The following UBR3 variants were observed in gnomAD, a reference collection of about 807,000 sequenced individuals.
UBR3 encodes the protein ubiquitin protein ligase E3 component n-recognin 3.
UBR3 carries 85 observed loss-of-function variants against 243.2 expected under a neutral mutation model. The observed-to-expected ratio is 0.35, with a 90% CI of 0.29 to 0.42. The LOEUF (loss-of-function observed/expected upper bound fraction) is 0.42, where lower values mean the gene tolerates loss of function less well. Ranked by LOEUF, UBR3 falls within the 10% of genes least tolerant of loss-of-function variation. UBR3 has a pLI of 1.00. For synonymous variants in UBR3, 748 were observed against 799.8 expected, an observed-to-expected ratio of 0.94 and a Z score of 1.09; for missense variants, 1,686 against 2,300.8, an observed-to-expected ratio of 0.73 and a Z score of 5.47.
At position 169,828,119 on chromosome 2, in the gene UBR3, G is replaced by A. The variant is rs2081804074; in HGVS notation, c.545+67G>A. On this transcript the variant is annotated intron_variant, in intron 1 of 38. Coordinates refer to ENST00000272793, the MANE Select transcript of UBR3 (RefSeq NM_172070.4). ...GGGACGTCGCGGGAGGGCCTGGAGC[G>A]GAGCACTGGGAGCCCACTCTGAGCT... The A allele has an allele frequency of 3.8e-6, 5 of 1,329,238 alleles. No individual in the cohort carries two copies. The South Asian group carries it at 9.2e-5, about 24-fold the overall frequency. 82.3% of individuals were successfully genotyped at this position (1,329,238 alleles called of 1,614,324 possible).
intron 24 of UBR3, among the ~76,000 whole-genome samples, chr2:169,962,692 C>T (rs1164814152): frequency 6.6e-6 from 1 of 152,030 alleles, no homozygotes; most frequent in African/African-American, 2.4e-5. Context: ...GTATCTTGTT[C>T]TTACTATGTG....
At chr2:169,924,428 T>C (rs2085825855) in intron 13 of UBR3, among the ~76,000 whole-genome samples, 1 of 152,214 alleles carries the variant, frequency 6.6e-6, no homozygotes, top group Non-Finnish European at 1.5e-5. Context: ...TATATAGCAC[T>C]GTTTTGGGAG....
At chr2:169,839,825 C>T (rs914094536) in intron 1 of UBR3, among the ~76,000 whole-genome samples, 1 of 152,194 alleles carries the variant, frequency 6.6e-6, no homozygotes, top group Non-Finnish European at 1.5e-5. Context: ...GAATAATTGT[C>T]TTGCTTTCTG....
chr2:170,075,192 AC>A (rs528995157), intron 36 of UBR3, among the ~76,000 whole-genome samples: 3 of 151,954 alleles, frequency 2.0e-5, no homozygotes, highest in South Asian at 4.2e-4. Flanking sequence ...CTCATTTTAT[AC>A]CCTTTTTTTA....
intron 1 of UBR3, among the ~76,000 whole-genome samples, chr2:169,829,142 C>CT (rs754710339): frequency 6.6e-6 from 1 of 152,278 alleles, no homozygotes; most frequent in Non-Finnish European, 1.5e-5. Context: ...AAATGGTCAC[C>CT]TTTTTCTTCG....
At chr2:169,883,223 C>G (rs1030275096) in intron 5 of UBR3, among the ~76,000 whole-genome samples, 1 of 152,210 alleles carries the variant, frequency 6.6e-6, no homozygotes, top group Non-Finnish European at 1.5e-5. Flanking sequence ...AGACGGAGAT[C>G]TAAGATGGCT....
intron 24 of UBR3, among the ~76,000 whole-genome samples, chr2:169,961,944 G>A (rs2087594771): frequency 6.8e-6 from 1 of 147,828 alleles, no homozygotes. Flanking sequence ...CTGTCTCCTG[G>A]TCCTGATGCC....
rs576712598 is a variant in UBR3, at chr2:169,968,100, C to G, written c.3634+9574C>G. 4.3e-4 allele frequency among the ~76,000 whole-genome samples: 66 copies of G among 152,118 alleles called. 1 individual carries two copies. The Middle Eastern group carries it at 0.017, about 39-fold the overall frequency. ...TACAAAAATTTATACATAATAACTA[C>G]ATATTTATGAGGCACATGTGATATT... On this transcript the variant is annotated intron_variant, in intron 24 of 38. Coordinates refer to ENST00000272793, the MANE Select transcript of UBR3 (RefSeq NM_172070.4).
intron 10 of UBR3, among the ~76,000 whole-genome samples, chr2:169,911,149 A>C (rs1300259161): frequency 6.6e-6 from 1 of 152,190 alleles, no homozygotes; most frequent in Admixed American, 6.5e-5. Flanking sequence ...CTCAGTCAGT[A>C]GAGCATCATA....
Position 170,029,402 on chromosome 2 carries a change from T to C in UBR3, c.4510T>C (p.Tyr1504His), listed in dbSNP as rs1381968089. Residue 1504 changes from tyrosine to histidine, a missense_variant, in exon 31 of 39, where the codon TAT (tyrosine) becomes CAT (histidine). Around this residue, in one of 8 missense-constraint regions of UBR3, gnomAD observed 371 missense variants for 422.5 expected, o/e 0.88. Transcript: ENST00000272793. The stretch of plus-strand genomic sequence containing the variant: ...GCGGCTTTATAGCATTGACTCTGAG[T>C]ATAATCCCTGGAGAAAGCTCACCCA... ...HMRLYSIDSE[Y>H]NPWRKLTQLE... is the part of the protein sequence containing the mutation. 6.2e-7 allele frequency: 1 copy of C among 1,611,712 alleles called. No individual in the cohort carries two copies. Among genetic ancestry groups the C allele is most frequent in the Non-Finnish European group, 8.5e-7 (1 of 1,178,732 alleles).
In UBR3 at chr2:169,986,631, CT is replaced by C. The variant is rs1203417837; in HGVS notation, c.3635-8del. The C allele has an allele frequency of 3.8e-6, 6 of 1,598,728 alleles. No homozygotes were observed. The highest frequency in any genetic ancestry group is 8.5e-7 in the Non-Finnish European group (1 of 1,173,532). On this transcript the variant is annotated splice_polypyrimidine_tract_variant and intron_variant, in intron 24 of 38. Transcript: ENST00000272793. The stretch of plus-strand genomic sequence containing the variant: ...CTCCTAAGGAATTAAAGAGATGTAA[CT>C]TTTTTCCCTCAGATTCTCCTGAGAA...
intron 22 of UBR3, 82 bp from the exon 23 acceptor site, chr2:169,949,523 G>A: frequency 8.0e-7 from 1 of 1,250,964 alleles, no homozygotes; most frequent in Non-Finnish European, 1.1e-6. Context: ...ATTCCCTTTA[G>A]AAAATATAGT....
At chr2:169,897,119 A>T (rs2084620732) in intron 8 of UBR3, among the ~76,000 whole-genome samples, 1 of 152,194 alleles carries the variant, frequency 6.6e-6, no homozygotes, top group African/African-American at 2.4e-5. Flanking sequence ...TGTCAAAAAC[A>T]TGCATTTTAA....
At position 170,065,940 on chromosome 2, in the gene UBR3, C is replaced by T. The variant is rs188536393; in HGVS notation, c.5019+4497C>T. On this transcript the variant is annotated intron_variant, in intron 35 of 38. Transcript: ENST00000272793. ...ATAGGTAGTGCCCTACCCCACCCCC[C>T]GCAAAAAAAATGCTTCTACGTATCC... Among the ~76,000 whole-genome samples, 176 of 149,498 alleles carry T rather than the reference C, an allele frequency of 1.2e-3. 2 individuals carry two copies. The Middle Eastern group carries it at 0.027, about 23-fold the overall frequency.
At chr2:169,847,104 TGTGTGTGTGTGTGTGTGTGTGC>T (rs1235958335) in intron 1 of UBR3, among the ~76,000 whole-genome samples, 43 of 70,596 alleles carry the variant, frequency 6.1e-4, no homozygotes, top group East Asian at 1.3e-3. Flanking sequence ...TGTGTGTGTG[TGTGTGTGTGTGTGTGTGTGTGC>T]GCTGGCAGTT....
At chr2:169,956,671 G>A (rs528988764) in intron 23 of UBR3, among the ~76,000 whole-genome samples, 2 of 152,152 alleles carry the variant, frequency 1.3e-5, no homozygotes, top group Non-Finnish European at 2.9e-5. Context: ...GCAAAAATAT[G>A]TAACTTCTCA....
intron 8 of UBR3, among the ~76,000 whole-genome samples, chr2:169,900,103 A>T (rs898018709): frequency 1.3e-5 from 2 of 152,052 alleles, no homozygotes; most frequent in Non-Finnish European, 2.9e-5. Context: ...ACTAATTTAC[A>T]CTCCCACCAA....
rs918572409 is a variant in UBR3, at chr2:169,975,779, A to G, written c.3635-10866A>G. 5.9e-5 allele frequency among the ~76,000 whole-genome samples: 9 copies of G among 152,120 alleles called. No homozygotes were observed. The East Asian group carries it at 1.7e-3, about 29-fold the overall frequency. ...AGTATGCTATGATTGTATCTGGGCA[A>G]GAGAGCAGCAAGACTCTGTCTCTAA... is the stretch of plus-strand genomic sequence containing the variant. On this transcript the variant is annotated intron_variant, in intron 24 of 38. Coordinates refer to ENST00000272793, the MANE Select transcript of UBR3 (RefSeq NM_172070.4).
chr2:170,023,184 G>A (rs931188587), intron 30 of UBR3, among the ~76,000 whole-genome samples: 3 of 151,136 alleles, frequency 2.0e-5, no homozygotes, highest in Admixed American at 1.3e-4. Flanking sequence ...TGTTACCCAC[G>A]CTGGCCTCAA....
Sources: allele counts gnomAD v4.1 joint callset (sites outside exome capture counted in the v4.1 genomes callset), GRCh38; gene constraint gnomAD v4.1.1; regional missense constraint gnomAD v4.1.1; transcripts MANE v1.5; gene names NCBI Gene and HGNC (gene_info 2026-07-23, HGNC 2026-07-21).